TBC1D12: variants seen among roughly 807,000 people sequenced by gnomAD.
The protein encoded by TBC1D12 is TBC1 domain family member 12, also known as TBC1 domain family, member 12.
A neutral mutation model predicts 86.7 loss-of-function variants in TBC1D12; 56 were observed. The ratio of observed to expected loss-of-function variants is 0.65; its 90% confidence interval spans 0.52 to 0.81. The LOEUF is 0.81. Ranked by LOEUF, TBC1D12 falls within the 30% of genes least tolerant of loss-of-function variation. The pLI, the probability that TBC1D12 is intolerant of heterozygous loss-of-function variation, is 0.00. For missense variants in TBC1D12, 1,023 were observed against 1,038.8 expected, an observed-to-expected ratio of 0.98 and a Z score of 0.21; for synonymous variants, 421 against 411.7, an observed-to-expected ratio of 1.02 and a Z score of -0.27.
At chr10:94,507,942 AC>A (rs1423398668) in intron 7 of TBC1D12, among the ~76,000 whole-genome samples, 4 of 152,184 alleles carry the variant, frequency 2.6e-5, no homozygotes, top group African/African-American at 9.7e-5. Flanking sequence ...AGCTGAGATC[AC>A]GCCATTGCAC....
At chr10:94,435,612 G>T (rs1242051292) in intron 1 of TBC1D12, among the ~76,000 whole-genome samples, 11 of 152,132 alleles carry the variant, frequency 7.2e-5, no homozygotes, top group Admixed American at 5.2e-4. Context: ...TGTCATTTAT[G>T]TGTGTTGGAA....
intron 9 of TBC1D12, among the ~76,000 whole-genome samples, chr10:94,519,439 C>G (rs577860583): frequency 6.6e-6 from 1 of 152,240 alleles, no homozygotes; most frequent in African/African-American, 2.4e-5. Flanking sequence ...TGCCTGTAAT[C>G]CCAGCACTTT....
intron 11 of TBC1D12, among the ~76,000 whole-genome samples, chr10:94,525,124 G>A (rs1364259016): frequency 6.6e-6 from 1 of 152,104 alleles, no homozygotes; most frequent in Admixed American, 6.6e-5. Flanking sequence ...ACTACAACAT[G>A]ACCAACACTG....
At chr10:94,491,103 C>T (rs1358931268) in intron 3 of TBC1D12, among the ~76,000 whole-genome samples, 4 of 151,934 alleles carry the variant, frequency 2.6e-5, no homozygotes, top group Admixed American at 2.6e-4. Flanking sequence ...TATTTCTTTT[C>T]TCTTAAAGAT....
At chr10:94,468,276 G>A (rs191328987) in intron 2 of TBC1D12, among the ~76,000 whole-genome samples, 1 of 152,064 alleles carries the variant, frequency 6.6e-6, no homozygotes, top group East Asian at 1.9e-4. Flanking sequence ...ATTATTTTTG[G>A]TGCTTTTTAT....
At chr10:94,528,034 TTTCTC>T (rs1313567626) in intron 11 of TBC1D12, among the ~76,000 whole-genome samples, 1 of 152,094 alleles carries the variant, frequency 6.6e-6, no homozygotes, top group Non-Finnish European at 1.5e-5. Context: ...TTTTTCTTCT[TTTCTC>T]AAGATTACTT....
chr10:94,433,265 C>T (rs1418958465), intron 1 of TBC1D12, among the ~76,000 whole-genome samples: 2 of 152,052 alleles, frequency 1.3e-5, no homozygotes, highest in African/African-American at 4.8e-5. Context: ...ATTACAGGTG[C>T]GTGCCACCAC....
At chr10:94,511,526 A>C in intron 8 of TBC1D12, 57 bp from the exon 9 acceptor site, 1 of 1,101,256 alleles carries the variant, frequency 9.1e-7, no homozygotes, top group Non-Finnish European at 1.4e-6. Flanking sequence ...TGTTATATGA[A>C]AATTAACTTA....
chr10:94,520,343 G>A (rs1250346810), intron 9 of TBC1D12, among the ~76,000 whole-genome samples: 1 of 151,854 alleles, frequency 6.6e-6, no homozygotes, highest in African/African-American at 2.4e-5. Flanking sequence ...ACCTGAGGTC[G>A]GGAGTTCAAG....
At chr10:94,524,164 T>G (rs1842226050) in intron 11 of TBC1D12, among the ~76,000 whole-genome samples, 1 of 152,172 alleles carries the variant, frequency 6.6e-6, no homozygotes, top group Non-Finnish European at 1.5e-5. Context: ...CATTTTTTAC[T>G]TCCACCGTCT....
At chr10:94,458,613 T>C (rs1044620208) in intron 2 of TBC1D12, among the ~76,000 whole-genome samples, 30 of 152,158 alleles carry the variant, frequency 2.0e-4, no homozygotes, top group African/African-American at 6.5e-4. Context: ...TTACAGTTCT[T>C]AAAGATGGTG....
At chr10:94,504,916 C>G (rs533873182) in intron 6 of TBC1D12, among the ~76,000 whole-genome samples, 2 of 152,262 alleles carry the variant, frequency 1.3e-5, no homozygotes, top group Admixed American at 6.5e-5. Flanking sequence ...CAAACTCTCC[C>G]TTTGCAGATT....
chr10:94,410,639 T>C (rs1251398639), intron 1 of TBC1D12, among the ~76,000 whole-genome samples: 1 of 152,224 alleles, frequency 6.6e-6, no homozygotes, highest in Non-Finnish European at 1.5e-5. Context: ...GTCAGATAGC[T>C]AATTAATGTA....
At chr10:94,495,255 C>T (rs2056300136) in intron 4 of TBC1D12, among the ~76,000 whole-genome samples, 2 of 152,130 alleles carry the variant, frequency 1.3e-5, no homozygotes, top group Non-Finnish European at 2.9e-5. Context: ...AACTCTTGAC[C>T]TCAAGTGATC....
intron 9 of TBC1D12, among the ~76,000 whole-genome samples, chr10:94,515,850 G>A (rs1343949287): frequency 3.9e-5 from 6 of 152,252 alleles, no homozygotes; most frequent in South Asian, 4.2e-4. Context: ...TCAAACACAA[G>A]CTCTACAATA....
intron 9 of TBC1D12, among the ~76,000 whole-genome samples, chr10:94,518,300 G>A (rs998875488): frequency 5.3e-5 from 8 of 151,504 alleles, no homozygotes; most frequent in African/African-American, 1.5e-4. Flanking sequence ...TGCAACCTCC[G>A]CCCTCTGGGT....
chr10:94,491,828 A>G (rs991496449), intron 3 of TBC1D12, among the ~76,000 whole-genome samples: 2 of 108,612 alleles, frequency 1.8e-5, no homozygotes, highest in African/African-American at 5.6e-5. Flanking sequence ...AAAGCTTAAG[A>G]GTAGTGGTGC....
At chr10:94,410,461 G>T (rs2054915024) in intron 1 of TBC1D12, among the ~76,000 whole-genome samples, 1 of 151,888 alleles carries the variant, frequency 6.6e-6, no homozygotes, top group Non-Finnish European at 1.5e-5. Context: ...GGCTGGTGTC[G>T]AACTCCTGAG....
intron 2 of TBC1D12, among the ~76,000 whole-genome samples, chr10:94,470,573 G>A (rs2055889390): frequency 1.3e-5 from 2 of 151,994 alleles, no homozygotes; most frequent in Admixed American, 1.3e-4. Flanking sequence ...ATGTTGCCCA[G>A]GCTGGTCTTG....
Sources: allele counts gnomAD v4.1 joint callset (sites outside exome capture counted in the v4.1 genomes callset), GRCh38; gene constraint gnomAD v4.1.1; transcripts MANE v1.5; gene names NCBI Gene and HGNC (gene_info 2026-07-23, HGNC 2026-07-21).